The following RSPH14 variants were observed in gnomAD, a reference collection of about 807,000 sequenced individuals.
RSPH14 encodes the protein radial spoke head 14 homolog, also known as rhabdoid tumor deletion region gene 1.
RSPH14 carries 20 observed loss-of-function variants against 26.7 expected under a neutral mutation model. The ratio of observed to expected loss-of-function variants is 0.75; its 90% confidence interval spans 0.53 to 1.09. The LOEUF (loss-of-function observed/expected upper bound fraction) is 1.09. Ranked by LOEUF, RSPH14 falls within the 50% of genes least tolerant of loss-of-function variation. The probability of loss-of-function intolerance (pLI) is 0.00; values close to 1 mark genes in which losing one functional copy is unlikely to be tolerated. For synonymous variants in RSPH14, 177 were observed against 189.3 expected, an observed-to-expected ratio of 0.93 and a Z score of 0.53; for missense variants, 449 against 457.2, an observed-to-expected ratio of 0.98 and a Z score of 0.16.
chr22:23,153,161 G>C, the RSPH14 span: 1 of 1,561,398 alleles, frequency 6.4e-7, no homozygotes, highest in Non-Finnish European at 8.8e-7. Context: ...CCCATGGCTC[G>C]TGGGCAGCTT....
intron 4 of RSPH14, among the ~76,000 whole-genome samples, chr22:23,068,768 C>T (rs1218866225): frequency 6.6e-6 from 1 of 152,210 alleles, no homozygotes; most frequent in Non-Finnish European, 1.5e-5. Flanking sequence ...ACCCTCTGAC[C>T]ACAGTCTGTT....
intron 4 of RSPH14, among the ~76,000 whole-genome samples, chr22:23,110,888 G>A (rs761495895): frequency 1.3e-5 from 2 of 152,196 alleles, no homozygotes; most frequent in Non-Finnish European, 2.9e-5. Flanking sequence ...GGGCAACTCA[G>A]GCCTCCCTGC....
chr22:23,170,440 G>C, the RSPH14 span, among the ~76,000 whole-genome samples: 2 of 152,146 alleles, frequency 1.3e-5, no homozygotes, highest in African/African-American at 4.8e-5. Flanking sequence ...GCGCTCTTCA[G>C]GGTTCCTTTA....
chr22:23,101,716 A>G (rs2069307488), intron 4 of RSPH14, among the ~76,000 whole-genome samples: 1 of 152,118 alleles, frequency 6.6e-6, no homozygotes, highest in Non-Finnish European at 1.5e-5. Flanking sequence ...AGTTATCATG[A>G]CCCTGGAACA....
At chr22:23,141,995 A>G (rs1569198804), upstream of RSPH14, 4 of 985,476 alleles carry the variant, frequency 4.1e-6, no homozygotes, top group South Asian at 1.4e-4. Flanking sequence ...GCCACTGGCC[A>G]ACCTATTCAG....
chr22:23,171,660 T>C, the RSPH14 span, among the ~76,000 whole-genome samples: 8 of 152,108 alleles, frequency 5.3e-5, no homozygotes, highest in South Asian at 4.1e-4. Flanking sequence ...CTGATCAACA[T>C]GGTGAAACCC....
At chr22:23,078,988 T>C (rs1235607255) in intron 4 of RSPH14, among the ~76,000 whole-genome samples, 1 of 152,078 alleles carries the variant, frequency 6.6e-6, no homozygotes, top group Non-Finnish European at 1.5e-5. Context: ...TCCCCAACTA[T>C]CCCCTCCGTG....
chr22:23,168,292 G>A, the RSPH14 span, among the ~76,000 whole-genome samples: 16 of 152,176 alleles, frequency 1.1e-4, no homozygotes, highest in Non-Finnish European at 1.9e-4. Flanking sequence ...CTGGGCCCCC[G>A]GGGATGCTGA....
chr22:23,114,887 G>A (rs1322488424), intron 4 of RSPH14, among the ~76,000 whole-genome samples: 1 of 152,204 alleles, frequency 6.6e-6, no homozygotes, highest in Non-Finnish European at 1.5e-5. Context: ...CACCTGGAGA[G>A]CCTCTGCCCA....
At chr22:23,063,339 G>A (rs1019037538) in intron 5 of RSPH14, among the ~76,000 whole-genome samples, 4 of 152,180 alleles carry the variant, frequency 2.6e-5, no homozygotes, top group Non-Finnish European at 5.9e-5. Flanking sequence ...AGAGACTCTG[G>A]GGTTCGGTGA....
At chr22:23,150,318 T>C in the RSPH14 span, among the ~76,000 whole-genome samples, 1 of 150,336 alleles carries the variant, frequency 6.7e-6, no homozygotes, top group Non-Finnish European at 1.5e-5. Context: ...TTTTTTTTTT[T>C]TGAGACAGAG....
the RSPH14 span, among the ~76,000 whole-genome samples, chr22:23,170,212 A>G: frequency 6.6e-6 from 1 of 152,318 alleles, no homozygotes; most frequent in East Asian, 1.9e-4. Context: ...ATATCCTCCA[A>G]AGAACTGAAA....
the RSPH14 span, chr22:23,160,904 C>T: frequency 6.2e-7 from 1 of 1,613,828 alleles, no homozygotes; most frequent in Non-Finnish European, 8.5e-7. Flanking sequence ...CATTCTTCAG[C>T]CGCGTAGCCG....
intron 4 of RSPH14, among the ~76,000 whole-genome samples, chr22:23,076,845 G>A (rs912889420): frequency 1.3e-5 from 2 of 152,252 alleles, no homozygotes; most frequent in African/African-American, 4.8e-5. Context: ...CAGGCCAGTA[G>A]AGGAGCTCAG....
intron 3 of RSPH14, among the ~76,000 whole-genome samples, chr22:23,135,792 C>T (rs2070467973): frequency 1.3e-5 from 2 of 151,932 alleles, no homozygotes. Flanking sequence ...CAGTTCCTTG[C>T]TTTGTAATCA....
chr22:23,093,333 C>T (rs887875566), intron 4 of RSPH14, among the ~76,000 whole-genome samples: 2 of 152,198 alleles, frequency 1.3e-5, no homozygotes, highest in Admixed American at 6.5e-5. Context: ...CTCAGCCTCT[C>T]CATTGATTCC....
At chr22:23,162,960 G>A in the RSPH14 span, 4 of 335,800 alleles carry the variant, frequency 1.2e-5, no homozygotes, top group South Asian at 9.4e-5. Context: ...TGCCCAGGCT[G>A]GAGTGCAATG....
At chr22:23,102,918 G>A (rs1230910480) in intron 4 of RSPH14, among the ~76,000 whole-genome samples, 1 of 152,242 alleles carries the variant, frequency 6.6e-6, no homozygotes, top group Non-Finnish European at 1.5e-5. Context: ...CAGGAGGTCA[G>A]CCAGCGTGGG....
At chr22:23,135,607 A>G (rs2070463239) in intron 3 of RSPH14, among the ~76,000 whole-genome samples, 1 of 152,208 alleles carries the variant, frequency 6.6e-6, no homozygotes, top group African/African-American at 2.4e-5. Flanking sequence ...TAAAAAAACC[A>G]AAGCTGCAAA....
Sources: allele counts gnomAD v4.1 joint callset (sites outside exome capture counted in the v4.1 genomes callset), GRCh38; gene constraint gnomAD v4.1.1; transcripts MANE v1.5; gene names NCBI Gene and HGNC (gene_info 2026-07-23, HGNC 2026-07-21).